The following RBM25 variants were observed in gnomAD, a reference collection of about 807,000 sequenced individuals.
RBM25 encodes RNA-binding protein 25.
A neutral mutation model predicts 120.7 loss-of-function variants in RBM25; 19 were observed. The ratio of observed to expected loss-of-function variants is 0.16; its 90% CI spans 0.11 to 0.23. RBM25 has a LOEUF of 0.23. Ranked by LOEUF, RBM25 falls within the 10% of genes least tolerant of loss-of-function variation. The pLI, the probability that RBM25 is intolerant of heterozygous loss-of-function variation, is 1.00. For synonymous variants in RBM25, 390 were observed against 326.7 expected (o/e 1.19, Z -2.09); for missense variants, 605 against 1,041.5 (o/e 0.58, Z 5.77).
chr14:73,082,451 C>T (rs1160129131), intron 4 of RBM25, among the ~76,000 whole-genome samples: 1 of 152,044 alleles, frequency 6.6e-6, no homozygotes, highest in African/African-American at 2.4e-5. Flanking sequence ...GCCACCACGC[C>T]CGCCTAATTT....
chr14:73,095,687 T>C lies in RBM25; in HGVS notation c.544-1228T>C, dbSNP rs933397350. On this transcript the variant is annotated intron_variant, in intron 6 of 18. Coordinates refer to ENST00000261973, the MANE Select transcript of RBM25 (RefSeq NM_021239.3). ...GAATACGTATCCATTGGAGACAGCT[T>C]TCAGAATGCTTGTGGTCAACTTATA... 3.9e-5 allele frequency among the ~76,000 whole-genome samples: 6 copies of C among 152,162 alleles called. No individual in the cohort carries two copies. In the South Asian group the frequency reaches 1.2e-3, roughly 32 times the overall value.
intron 1 of RBM25, among the ~76,000 whole-genome samples, chr14:73,067,120 C>T (rs1419885688): frequency 6.9e-6 from 1 of 144,236 alleles, no homozygotes; most frequent in African/African-American, 2.5e-5. Flanking sequence ...CCCAGGCTGA[C>T]GTGCAATGGC....
intron 4 of RBM25, among the ~76,000 whole-genome samples, chr14:73,078,246 T>A (rs1895470999): frequency 6.6e-6 from 1 of 152,022 alleles, no homozygotes; most frequent in Non-Finnish European, 1.5e-5. Flanking sequence ...GAGGCTGCAG[T>A]GAGCTGAGGT....
intron 1 of RBM25, among the ~76,000 whole-genome samples, chr14:73,065,408 G>T (rs1428730589): frequency 6.8e-6 from 1 of 146,560 alleles, no homozygotes; most frequent in Non-Finnish European, 1.5e-5. Context: ...GATTACAGGG[G>T]TGAGCCACTG....
chr14:73,090,052 A>AC (rs529824566), intron 6 of RBM25, among the ~76,000 whole-genome samples: 117 of 147,334 alleles, frequency 7.9e-4, no homozygotes, highest in Middle Eastern at 7.4e-3. Flanking sequence ...AGAAAAAAGT[A>AC]CCCCCCCTCT....
chr14:73,084,137 A>G (rs1462210702), intron 5 of RBM25, among the ~76,000 whole-genome samples: 1 of 151,966 alleles, frequency 6.6e-6, no homozygotes, highest in East Asian at 1.9e-4. Context: ...ACCTCAGATG[A>G]TCCACCCGCC....
intron 4 of RBM25, among the ~76,000 whole-genome samples, chr14:73,080,478 C>G (rs1594906643): frequency 6.6e-6 from 1 of 152,110 alleles, no homozygotes; most frequent in Non-Finnish European, 1.5e-5. Context: ...CCGCTTTGGC[C>G]TCCCAAAGTG....
chr14:73,075,926 G>A (rs118072587), intron 2 of RBM25, among the ~76,000 whole-genome samples: 6,560 of 151,982 alleles, frequency 0.043, 204 homozygotes, highest in Middle Eastern at 0.12. Context: ...AATTACAGGC[G>A]TGAGCCACCG....
chr14:73,088,187 T>C, intron 6 of RBM25, 26 bp downstream of exon 6: 2 of 1,612,806 alleles, frequency 1.2e-6, no homozygotes, highest in Non-Finnish European at 1.7e-6. Context: ...TGTTATCTTT[T>C]CTAGGCCAGA....
intron 2 of RBM25, among the ~76,000 whole-genome samples, chr14:73,074,943 A>T (rs75391671): frequency 6.6e-6 from 1 of 150,842 alleles, no homozygotes; most frequent in Admixed American, 6.6e-5. Flanking sequence ...TGGCCTCCCA[A>T]AGTGTTTGGA....
intron 2 of RBM25, among the ~76,000 whole-genome samples, chr14:73,075,774 T>C (rs112874055): frequency 0.069 from 10,549 of 152,156 alleles, 532 homozygotes; most frequent in South Asian, 0.19. Context: ...TGTATCACCA[T>C]GTTGCACGAC....
chr14:73,103,948 TCACACACACACACA>T (rs368961634), intron 10 of RBM25, among the ~76,000 whole-genome samples: 4 of 91,428 alleles, frequency 4.4e-5, no homozygotes, highest in African/African-American at 7.2e-5. Flanking sequence ...TCTCTCTCTC[TCACACACACACACA>T]CACACACACA....
chr14:73,103,504 T>A, intron 10 of RBM25, 26 bp downstream of exon 10: 6 of 1,540,626 alleles, frequency 3.9e-6, no homozygotes, highest in Non-Finnish European at 5.2e-6. Flanking sequence ...AGTTACTGTT[T>A]CCTGATAGCT....
chr14:73,064,700 G>A (rs79498839), intron 1 of RBM25, among the ~76,000 whole-genome samples: 3,460 of 151,128 alleles, frequency 0.023, 160 homozygotes, highest in African/African-American at 0.076. Flanking sequence ...GGAGAGGCCA[G>A]TTATCTTAAA....
intron 6 of RBM25, among the ~76,000 whole-genome samples, chr14:73,094,520 T>C (rs1895891906): frequency 6.6e-6 from 1 of 151,400 alleles, no homozygotes; most frequent in Non-Finnish European, 1.5e-5. Flanking sequence ...TGATATTGGC[T>C]CACTGCAATC....
At chr14:73,089,183 C>T (rs887926196) in intron 6 of RBM25, among the ~76,000 whole-genome samples, 1 of 151,972 alleles carries the variant, frequency 6.6e-6, no homozygotes, top group Admixed American at 6.6e-5. Flanking sequence ...TTCATGTTCC[C>T]TCCAAGTTCT....
At chr14:73,076,519 A>G in intron 3 of RBM25, 151 bp downstream of exon 3, 4 of 701,252 alleles carry the variant, frequency 5.7e-6, no homozygotes, top group South Asian at 1.9e-5. Context: ...ATTTATTTGA[A>G]TAAGTATCAT....
intron 10 of RBM25, 59 bp downstream of exon 10, chr14:73,103,537 C>CT: frequency 6.6e-7 from 1 of 1,514,200 alleles, no homozygotes; most frequent in Non-Finnish European, 8.8e-7. Context: ...TCGGGTAGTC[C>CT]TCCAGAGTAC....
At chr14:73,076,274 A>G (rs1238980115) in intron 2 of RBM25, 45 bp from the exon 3 acceptor site, 12 of 1,483,556 alleles carry the variant, frequency 8.1e-6, no homozygotes, top group East Asian at 4.5e-5. Flanking sequence ...TGTTGTTGAT[A>G]GAGAATGCAG....
Sources: gnomAD v4.1 joint callset for allele counts (sites outside exome capture counted in the v4.1 genomes callset) on GRCh38, gnomAD v4.1.1 for gene constraint, MANE v1.5 for transcripts, NCBI Gene and HGNC (gene_info 2026-07-23, HGNC 2026-07-21) for gene names.